RIMS2: variants seen among roughly 807,000 people sequenced by gnomAD.
RIMS2 encodes the protein regulating synaptic membrane exocytosis 2.
A neutral mutation model predicts 174.4 loss-of-function variants in RIMS2; 59 were observed. That is an observed-to-expected ratio of 0.34 (90% confidence interval 0.27 to 0.42). The LOEUF is 0.42. Among genes scored for constraint, RIMS2 ranks in the 10% least tolerant of loss-of-function variants. The probability of loss-of-function intolerance (pLI) is 1.00; values close to 1 mark genes in which losing one functional copy is unlikely to be tolerated. For synonymous variants in RIMS2, 606 were observed against 572.5 expected (o/e 1.06, Z -0.84); for missense variants, 1,620 against 1,666.3 (o/e 0.97, Z 0.48).
chr8:103,625,112 A>AG (rs747091260), intron 1 of RIMS2, among the ~76,000 whole-genome samples: 2 of 152,030 alleles, frequency 1.3e-5, no homozygotes, highest in Non-Finnish European at 2.9e-5. Context: ...CAGTGTTTTT[A>AG]GGGGGAAGGA....
At chr8:104,043,590 A>C (rs1298929241) in intron 19 of RIMS2, among the ~76,000 whole-genome samples, 1 of 151,708 alleles carries the variant, frequency 6.6e-6, no homozygotes, top group South Asian at 2.1e-4. Context: ...AGAATTTTTC[A>C]TGAATTGGGA....
At chr8:103,611,674 C>T (rs1237762418) in intron 1 of RIMS2, among the ~76,000 whole-genome samples, 1 of 146,508 alleles carries the variant, frequency 6.8e-6, no homozygotes, top group Non-Finnish European at 1.5e-5. Flanking sequence ...TTATTTGTTA[C>T]TTTTTTTTTT....
chr8:103,948,574 T>C (rs1394370201), intron 14 of RIMS2, among the ~76,000 whole-genome samples: 1 of 152,150 alleles, frequency 6.6e-6, no homozygotes, highest in Non-Finnish European at 1.5e-5. Context: ...AGATGATACA[T>C]GCAAAAGGCC....
chr8:103,652,635 T>G (rs749402317), intron 1 of RIMS2: 179 of 1,349,104 alleles, frequency 1.3e-4, no homozygotes, highest in Non-Finnish European at 1.7e-4. Context: ...TGGTTTCCCT[T>G]TAGTGGAATC....
intron 19 of RIMS2, among the ~76,000 whole-genome samples, chr8:104,220,789 T>C (rs1388817096): frequency 6.6e-6 from 1 of 152,092 alleles, no homozygotes; most frequent in African/African-American, 2.4e-5. Context: ...TAACTTTTTC[T>C]GGAGATGAGG....
intron 1 of RIMS2, among the ~76,000 whole-genome samples, chr8:103,587,468 G>GAAAGAAAGAAAGAAAGAAAGAAGGAAA (rs35539559): frequency 1.0e-5 from 1 of 96,344 alleles, no homozygotes; most frequent in Non-Finnish European, 2.2e-5. Context: ...AAGAAAGAAA[G>GAAAGAAAGAAAGAAAGAAAGAAGGAAA]AAACTATGCA....
At chr8:104,096,591 C>T (rs550275269) in intron 19 of RIMS2, among the ~76,000 whole-genome samples, 3 of 152,088 alleles carry the variant, frequency 2.0e-5, no homozygotes, top group South Asian at 2.1e-4. Flanking sequence ...ATGTTGGGGC[C>T]GGGTGCGATG....
intron 1 of RIMS2, among the ~76,000 whole-genome samples, chr8:103,535,188 C>T (rs1476761640): frequency 1.3e-5 from 2 of 152,112 alleles, no homozygotes; most frequent in Admixed American, 1.3e-4. Context: ...AAATTTTATC[C>T]TAGTCATGTA....
intron 1 of RIMS2, among the ~76,000 whole-genome samples, chr8:103,683,560 A>T (rs915803360): frequency 1.3e-5 from 2 of 152,122 alleles, no homozygotes; most frequent in Non-Finnish European, 2.9e-5. Flanking sequence ...ATTGTCCAGT[A>T]CTCCAATGCC....
intron 2 of RIMS2, among the ~76,000 whole-genome samples, chr8:103,759,853 G>T (rs1215016554): frequency 6.6e-6 from 1 of 152,176 alleles, no homozygotes; most frequent in Non-Finnish European, 1.5e-5. Context: ...TGTCTAAGTT[G>T]AGAAGAATCA....
intron 19 of RIMS2, among the ~76,000 whole-genome samples, chr8:104,086,996 G>C (rs1322648369): frequency 6.6e-6 from 1 of 152,026 alleles, no homozygotes; most frequent in African/African-American, 2.4e-5. Context: ...TTATATCACG[G>C]AAATCAGAAA....
intron 9 of RIMS2, chr8:103,920,648 G>C: frequency 6.6e-6 from 3 of 457,082 alleles, no homozygotes; most frequent in South Asian, 4.6e-5. Context: ...AGGTGTTGTA[G>C]GTTCACTGTG....
chr8:103,671,942 T>C (rs1226055173), intron 1 of RIMS2, among the ~76,000 whole-genome samples: 5 of 152,118 alleles, frequency 3.3e-5, no homozygotes, highest in Non-Finnish European at 5.9e-5. Context: ...TGTTTCAGGG[T>C]CCCTCTGTAG....
intron 1 of RIMS2, among the ~76,000 whole-genome samples, chr8:103,605,584 C>A (rs1316674858): frequency 6.6e-6 from 1 of 151,700 alleles, no homozygotes; most frequent in Non-Finnish European, 1.5e-5. Context: ...GGTACCAGTT[C>A]CTCCTTGTAC....
chr8:104,228,913 TAAGAA>T (rs1161005942), intron 19 of RIMS2, among the ~76,000 whole-genome samples: 3 of 152,244 alleles, frequency 2.0e-5, no homozygotes, highest in Non-Finnish European at 4.4e-5. Flanking sequence ...ATTTTGGAAT[TAAGAA>T]AAGTAAATTG....
chr8:104,118,664 C>T (rs1348155422), intron 19 of RIMS2, among the ~76,000 whole-genome samples: 12 of 151,988 alleles, frequency 7.9e-5, no homozygotes, highest in East Asian at 5.8e-4. Context: ...CCACCGGGCC[C>T]GACCAAAATT....
chr8:103,627,257 T>C (rs1270623525), intron 1 of RIMS2, among the ~76,000 whole-genome samples: 1 of 152,196 alleles, frequency 6.6e-6, no homozygotes, highest in African/African-American at 2.4e-5. Flanking sequence ...AAGAAAAATA[T>C]GGCTTTATTC....
intron 2 of RIMS2, among the ~76,000 whole-genome samples, chr8:103,730,939 G>C (rs887416348): frequency 1.3e-5 from 2 of 152,156 alleles, no homozygotes; most frequent in African/African-American, 4.8e-5. Flanking sequence ...ACAGTTCCAC[G>C]TGGGTGGGAG....
At chr8:103,883,654 A>C (rs1273848324) in intron 3 of RIMS2, among the ~76,000 whole-genome samples, 1 of 151,816 alleles carries the variant, frequency 6.6e-6, no homozygotes, top group East Asian at 1.9e-4. Context: ...TAATTTTTTC[A>C]CTTTCTACAG....
Sources: gnomAD v4.1 joint callset for allele counts (sites outside exome capture counted in the v4.1 genomes callset) on GRCh38, gnomAD v4.1.1 for gene constraint, MANE v1.5 for transcripts, NCBI Gene and HGNC (gene_info 2026-07-23, HGNC 2026-07-21) for gene names.